The following ANKK1 variants were observed in gnomAD, a reference collection of about 807,000 sequenced individuals.
ANKK1 encodes the protein ankyrin repeat and kinase domain containing 1.
A neutral mutation model predicts 37.6 loss-of-function variants in ANKK1; 37 were observed. The ratio of observed to expected loss-of-function variants is 0.98; its 90% confidence interval spans 0.76 to 1.29. The LOEUF (loss-of-function observed/expected upper bound fraction) is 1.29. Ranked by LOEUF, ANKK1 falls within the 50% of genes most tolerant of loss-of-function variation. ANKK1 has a pLI of 0.00. For missense variants in ANKK1, 1,019 were observed against 990.6 expected, an observed-to-expected ratio of 1.03 and a Z score of -0.39; for synonymous variants, 415 against 418.7, an observed-to-expected ratio of 0.99 and a Z score of 0.11.
intron 1 of ANKK1, among the ~76,000 whole-genome samples, chr11:113,392,472 G>A (rs989299126): frequency 1.3e-5 from 2 of 152,348 alleles, no homozygotes; most frequent in Non-Finnish European, 2.9e-5. Flanking sequence ...GGGCTCTCCA[G>A]CTGGCTTCCC....
Position 113,393,768 on chromosome 11 carries a change from A to G in ANKK1, c.473A>G (p.His158Arg), listed in dbSNP as rs768585529. 1.2e-6 allele frequency: 2 copies of G among 1,600,612 alleles called. No homozygotes were observed. Among genetic ancestry groups the G allele is most frequent in the Admixed American group, 1.7e-5 (1 of 59,752 alleles). The change falls in exon 2 of 8, where the codon CAT becomes CGT. Residue 158 changes from histidine to arginine, a missense_variant. Physicochemically the swap from His to Arg is conservative, Grantham distance 29 (BLOSUM62 0). Coordinates refer to ENST00000303941, the MANE Select transcript of ANKK1 (RefSeq NM_178510.2). ...AACATACTCCTGGACAGCAACATGCATGTCAAAGTAAGGGCTCTGGCCAAT... is the reference window on the plus strand; with the variant it reads ...AACATACTCCTGGACAGCAACATGCGTGTCAAAGTAAGGGCTCTGGCCAAT... Reference protein sequence around the residue: ...PGNILLDSNMHVKISDFGLSK... With the variant: ...PGNILLDSNMRVKISDFGLSK...
rs763014604 is a variant in ANKK1, at chr11:113,393,711, C to T, written c.416C>T (p.Pro139Leu). 1.5e-5 allele frequency: 25 copies of T among 1,613,554 alleles called. No individual in the cohort carries two copies. Among genetic ancestry groups the T allele is most frequent in the South Asian group, 4.4e-5 (4 of 91,070 alleles). The change falls in exon 2 of 8, where the codon CCG becomes CTG. Residue 139 changes from proline to leucine, a missense_variant. By Grantham distance (98) the Pro-to-Leu change is moderately conservative (BLOSUM62 -3). Coordinates refer to ENST00000303941, the MANE Select transcript of ANKK1 (RefSeq NM_178510.2). ...LAMNFLHSIK[P>L]PLLHLDLKPG... ...ATGAACTTCCTGCACAGCATTAAGC[C>T]GCCTCTGCTCCACCTGGACCTCAAG...
At position 113,387,781 on chromosome 11, in the gene ANKK1, T is replaced by G. The variant is rs1349757404; in HGVS notation, c.-104T>G. The G allele has an allele frequency of 7.6e-7, 1 of 1,323,328 alleles. No homozygotes were observed. The highest frequency in any genetic ancestry group is 2.8e-5 in the Admixed American group (1 of 35,982). The allele number at this position is 1,323,328 out of a possible 1,614,324, so 82.0% of individuals were successfully genotyped here. A position where few individuals can be genotyped will look rare whatever the true frequency, so the allele number is the denominator to read the frequency against. ...AGGCAGGGCCGGCTCGTCTCCCCAT[T>G]CCCCTCTCCCGGACCCGAGGAGCAG... On this transcript the variant is annotated 5_prime_UTR_variant, in exon 1 of 8. The change creates a new upstream start codon in the 5' untranslated region. Transcript: ENST00000303941.
intron 5 of ANKK1, 86 bp downstream of exon 5, chr11:113,396,308 A>G: frequency 1.3e-6 from 2 of 1,503,724 alleles, no homozygotes; most frequent in Non-Finnish European, 1.8e-6. Context: ...GGAGCTATGC[A>G]GAGAGACACT....
rs866481043 is a variant in ANKK1, at chr11:113,388,021, C to T, written c.137C>T (p.Thr46Met). 1.9e-5 allele frequency: 30 copies of T among 1,553,136 alleles called. No individual in the cohort carries two copies. In the African/African-American group the frequency reaches 2.7e-4, roughly 14 times the overall value. The change falls in exon 1 of 8, where the codon ACG becomes ATG. Residue 46 changes from threonine to methionine, a missense_variant. Physicochemically the swap from Thr to Met is moderately conservative, Grantham distance 81. Coordinates refer to ENST00000303941, the MANE Select transcript of ANKK1 (RefSeq NM_178510.2). ...CAGGCGCGGCACAGGCGCTGGCGGA[C>T]GGAGTACGCCATCAAGTGCGCCCCC... ...VFQARHRRWR[T>M]EYAIKCAPCL...
chr11:113,394,827 C>A, intron 2 of ANKK1, 102 bp from the exon 3 acceptor site: 2 of 1,497,740 alleles, frequency 1.3e-6, no homozygotes, highest in East Asian at 2.4e-5. Context: ...AACCACTACT[C>A]TACCCTGGAA....
At chr11:113,395,993 G>A (rs752090293) in intron 4 of ANKK1, 74 bp from the exon 5 acceptor site, 271 of 1,555,794 alleles carry the variant, frequency 1.7e-4, no homozygotes, top group Non-Finnish European at 2.2e-4. Context: ...GATCCTCAGA[G>A]CCCCCGCCTT....
rs56006094 is a variant in ANKK1, at chr11:113,399,977, A to G, written c.2008A>G (p.Ser670Gly). Residue 670 changes from serine (S) to glycine (G), a missense_variant, in exon 8 of 8, where the codon AGC becomes GGC. Coordinates refer to ENST00000303941, the MANE Select transcript of ANKK1 (RefSeq NM_178510.2). ...WTPLHLAVQR[S>G]TFLSVINLLE... ...ACCCCTCCACCTGGCGGTCCAGAGG[A>G]GCACCTTCCTGAGTGTCATCAACCT... 7.0e-3 allele frequency: 11,302 copies of G among 1,613,606 alleles called. 508 individuals are homozygous for G. The African/African-American group carries it at 0.1, about 15-fold the overall frequency.
At chr11:113,389,056 A>T (rs1029249865) in intron 1 of ANKK1, among the ~76,000 whole-genome samples, 1 of 152,090 alleles carries the variant, frequency 6.6e-6, no homozygotes, top group African/African-American at 2.4e-5. Flanking sequence ...CCCCCACCTT[A>T]TGAGGAGAGG....
In ANKK1 at chr11:113,396,199, C is replaced by T. The variant is rs760834011; in HGVS notation, c.815C>T (p.Pro272Leu). 4.3e-6 allele frequency: 7 copies of T among 1,613,936 alleles called. No individual in the cohort carries two copies. The highest frequency in any genetic ancestry group is 5.9e-6 in the Non-Finnish European group (7 of 1,179,874). Reference sequence around the variant, plus strand: ...ATGAAACGCTGCTGGGACCAGGACCCCAAGAAGAGGCCATGCTTTCTAGGT... The same window carrying T: ...ATGAAACGCTGCTGGGACCAGGACCTCAAGAAGAGGCCATGCTTTCTAGGT... ...DLMKRCWDQD[P>L]KKRPCFLDIT... Residue 272 changes from proline (P) to leucine (L), a missense_variant, in exon 5 of 8, where the codon CCC (proline) becomes CTC (leucine). Physicochemically the swap from Pro to Leu is moderately conservative, Grantham distance 98 (BLOSUM62 -3). Coordinates refer to ENST00000303941, the MANE Select transcript of ANKK1 (RefSeq NM_178510.2).
Position 113,397,314 on chromosome 11 carries a change from G to T in ANKK1, c.929G>T (p.Cys310Phe). 1 of 1,612,588 alleles carries T rather than the reference G, an allele frequency of 6.2e-7. No homozygotes were observed. The highest frequency in any genetic ancestry group is 8.5e-7 in the Non-Finnish European group (1 of 1,179,820). ...ESKALARKVS[C>F]KLSLRQPGEV... is the part of the protein sequence containing the mutation. ...AAGGCCCTGGCCAGGAAGGTGTCCT[G>T]CAAGCTGTCGCTGCGCCAGCCCGGG... The change falls in exon 6 of 8, where the codon TGC becomes TTC. Residue 310 changes from cysteine (C) to phenylalanine (F), a missense_variant. Cys to Phe is a radical substitution (Grantham distance 205). Transcript: ENST00000303941.
intron 1 of ANKK1, among the ~76,000 whole-genome samples, chr11:113,392,052 G>A (rs1287279406): frequency 6.6e-6 from 1 of 152,198 alleles, no homozygotes; most frequent in Admixed American, 6.5e-5. Context: ...CCAGAAACTA[G>A]ACAAAAGTGG....
chr11:113,388,160 T>G (rs1246127861), intron 1 of ANKK1, 91 bp downstream of exon 1: 1 of 1,405,786 alleles, frequency 7.1e-7, no homozygotes, highest in East Asian at 2.6e-5. Context: ...AGGAGTGGGC[T>G]GAGTTTGGGG....
In ANKK1 at chr11:113,399,615, G is replaced by A. The variant is rs758224977; in HGVS notation, c.1646G>A (p.Ser549Asn). 2.5e-6 allele frequency: 4 copies of A among 1,607,004 alleles called. No individual in the cohort carries two copies. Among genetic ancestry groups the A allele is most frequent in the South Asian group, 2.2e-5 (2 of 89,528 alleles). The change falls in exon 8 of 8, where the codon AGT becomes AAT. Residue 549 changes from serine to asparagine, a missense_variant. Transcript: ENST00000303941. ...AGGGCCATCCAACACCTGCTGAAGA[G>A]TGGAGCGGTCCCTGATGCCCTTGAC... ...KVRAIQHLLKSGAVPDALDQS... is the reference protein window; with the variant it reads ...KVRAIQHLLKNGAVPDALDQS...
chr11:113,394,811 A>G (rs1591261040), intron 2 of ANKK1, 118 bp from the exon 3 acceptor site: 2 of 1,402,204 alleles, frequency 1.4e-6, no homozygotes, highest in East Asian at 4.9e-5. Context: ...AGGGAGTGTC[A>G]TAGAAAACCA....
intron 1 of ANKK1, among the ~76,000 whole-genome samples, 180 bp from the exon 2 acceptor site, chr11:113,393,301 A>T (rs1950602340): frequency 6.6e-6 from 1 of 152,090 alleles, no homozygotes; most frequent in Non-Finnish European, 1.5e-5. Context: ...GCTGTACTGA[A>T]ATCTAAGCGG....
chr11:113,392,770 G>A (rs906618065), intron 1 of ANKK1, among the ~76,000 whole-genome samples: 26 of 152,178 alleles, frequency 1.7e-4, no homozygotes, highest in African/African-American at 5.8e-4. Context: ...GGGAATTATA[G>A]AGATGAATAA....
rs142615708 is a variant in ANKK1 at position 113,395,958 on chromosome 11, C to G, written c.683-109C>G. ...TTTACTCACCAAGCATTTGTGGAGC[C>G]CCCACTGCGTGCATGCCCTGTTGGG... is the stretch of plus-strand genomic sequence containing the variant. On this transcript the variant is annotated intron_variant, in intron 4 of 7. Coordinates refer to ENST00000303941, the MANE Select transcript of ANKK1 (RefSeq NM_178510.2). 7.8e-4 allele frequency: 999 copies of G among 1,280,068 alleles called. 11 individuals carry two copies. The African/African-American group carries it at 0.013, about 17-fold the overall frequency. 79.3% of individuals were successfully genotyped at this position (1,280,068 alleles called of 1,614,324 possible). A position where few individuals can be genotyped will look rare whatever the true frequency, so the allele number is the denominator to read the frequency against.
At chr11:113,395,295 C>T (rs1950628606) in intron 3 of ANKK1, 64 bp from the exon 4 acceptor site, 3 of 1,601,522 alleles carry the variant, frequency 1.9e-6, no homozygotes, top group African/African-American at 2.7e-5. Flanking sequence ...ACCCTGCCAC[C>T]CCGGGCTGGG....
Sources: gnomAD v4.1 joint callset for allele counts (sites outside exome capture counted in the v4.1 genomes callset) on GRCh38, gnomAD v4.1.1 for gene constraint, MANE v1.5 for transcripts, NCBI Gene and HGNC (gene_info 2026-07-23, HGNC 2026-07-21) for gene names.